SIRT1: variants seen among roughly 807,000 people sequenced by gnomAD.
The protein encoded by SIRT1 is sirtuin 1.
A neutral mutation model predicts 67.9 loss-of-function variants in SIRT1; 24 were observed. The observed-to-expected ratio is 0.35, with a 90% CI of 0.26 to 0.50. The LOEUF is 0.50. Among genes scored for constraint, SIRT1 ranks in the 20% least tolerant of loss-of-function variants. SIRT1 has a pLI of 0.98. For missense variants in SIRT1, 873 were observed against 937.2 expected, an observed-to-expected ratio of 0.93 and a Z score of 0.89; for synonymous variants, 378 against 350.7, an observed-to-expected ratio of 1.08 and a Z score of -0.87.
intron 2 of SIRT1, 136 bp from the exon 3 acceptor site, chr10:67,888,746 G>C: frequency 5.3e-6 from 5 of 937,200 alleles, no homozygotes; most frequent in African/African-American, 1.7e-5. Context: ...AGTGTACCGA[G>C]AATGAAATAC....
intron 3 of SIRT1, among the ~76,000 whole-genome samples, chr10:67,889,975 CTT>C (rs35424302): frequency 2.7e-4 from 40 of 147,356 alleles, no homozygotes; most frequent in African/African-American, 9.0e-4. Flanking sequence ...TATTATACAC[CTT>C]TTTTTTTTTT....
chr10:67,915,030 G>A (rs2029875044), intron 8 of SIRT1, among the ~76,000 whole-genome samples: 1 of 151,944 alleles, frequency 6.6e-6, no homozygotes, highest in Non-Finnish European at 1.5e-5. Context: ...CCTGCCTGTG[G>A]TGTCTTGGGA....
At chr10:67,909,777 G>C (rs1193104773) in intron 7 of SIRT1, among the ~76,000 whole-genome samples, 1 of 152,068 alleles carries the variant, frequency 6.6e-6, no homozygotes, top group Non-Finnish European at 1.5e-5. Flanking sequence ...GTTTCACCAT[G>C]TTGGCCAGGC....
Position 67,891,389 on chromosome 10 carries a change from A to C in SIRT1, c.790-13A>C. On this transcript the variant is annotated splice_polypyrimidine_tract_variant and intron_variant, in intron 3 of 8. Coordinates refer to ENST00000212015, the MANE Select transcript of SIRT1 (RefSeq NM_012238.5). ...AAGATTTAATTTTACAAATTATGCC[A>C]TGCACATTTTAGGTGTCTGTTTCAT... 6.2e-7 allele frequency: 1 copy of C among 1,612,770 alleles called. No individual in the cohort carries two copies.
chr10:67,904,343 C>T (rs1219599339), intron 4 of SIRT1, among the ~76,000 whole-genome samples: 2 of 149,842 alleles, frequency 1.3e-5, no homozygotes, highest in African/African-American at 4.9e-5. Context: ...CTCCATGTTG[C>T]CCAGGCTGGT....
chr10:67,889,567 A>G lies in SIRT1; in HGVS notation c.789+444A>G, dbSNP rs1047891769. Among the ~76,000 whole-genome samples the G allele has an allele frequency of 9.2e-5, 14 of 152,324 alleles. No homozygotes were observed. In the East Asian group the frequency reaches 9.6e-4, roughly 10 times the overall value. On this transcript the variant is annotated intron_variant, in intron 3 of 8. Coordinates refer to ENST00000212015, the MANE Select transcript of SIRT1 (RefSeq NM_012238.5). ...TTCCTACCTTCCCTCCATATTAATT[A>G]AGATGATGTGATTGTGGCGACTTGA... is the stretch of plus-strand genomic sequence containing the variant.
intron 7 of SIRT1, among the ~76,000 whole-genome samples, chr10:67,910,330 G>C (rs1188223354): frequency 6.6e-6 from 1 of 152,112 alleles, no homozygotes; most frequent in Admixed American, 6.5e-5. Context: ...AGCCGAGAAT[G>C]TGCCACTGCA....
intron 4 of SIRT1, among the ~76,000 whole-genome samples, chr10:67,892,229 A>C: frequency 6.6e-6 from 1 of 152,348 alleles, no homozygotes; most frequent in Non-Finnish European, 1.5e-5. Flanking sequence ...AAAATACTTA[A>C]AATTAATTTT....
At chr10:67,900,677 C>T (rs1199326523) in intron 4 of SIRT1, among the ~76,000 whole-genome samples, 2 of 152,060 alleles carry the variant, frequency 1.3e-5, no homozygotes, top group Non-Finnish European at 2.9e-5. Flanking sequence ...CTCCTGAGCT[C>T]GAGTGATTCT....
Position 67,889,032 on chromosome 10 carries a change from A to G in SIRT1, c.698A>G (p.Lys233Arg), listed in dbSNP as rs1450537164. ...IVINILSEPP[K>R]RKKRKDINTI... ...ATTAATATCCTTTCAGAACCACCAA[A>G]AAGGAAAAAAAGAAAAGATATTAAT... Residue 233 changes from lysine to arginine, a missense_variant, in exon 3 of 9, where the codon AAA (lysine) becomes AGA (arginine). Lys to Arg is a conservative substitution (Grantham distance 26, BLOSUM62 2). This residue lies in a region of SIRT1 where 251 missense variants were observed against 358.8 expected (regional missense o/e 0.70). Transcript: ENST00000212015. 1 of 1,613,432 alleles carries G rather than the reference A, an allele frequency of 6.2e-7. No individual in the cohort carries two copies. Among genetic ancestry groups the G allele is most frequent in the South Asian group, 1.1e-5 (1 of 91,002 alleles).
intron 7 of SIRT1, among the ~76,000 whole-genome samples, chr10:67,911,468 C>G (rs1272109355): frequency 6.6e-6 from 1 of 152,150 alleles, no homozygotes; most frequent in Middle Eastern, 3.2e-3. Flanking sequence ...ATTAGGATTA[C>G]AGGCATGAGC....
chr10:67,908,846 G>T (rs1842858353), intron 6 of SIRT1, among the ~76,000 whole-genome samples: 1 of 152,148 alleles, frequency 6.6e-6, no homozygotes, highest in African/African-American at 2.4e-5. Flanking sequence ...AGGTTGTAGT[G>T]AGCTGAGATC....
chr10:67,916,802 T>TAA lies in SIRT1; in HGVS notation c.*219_*220dup. On this transcript the variant is annotated 3_prime_UTR_variant, in exon 9 of 9. Transcript: ENST00000212015. ...AACTCAACACTAACTTTTTTTTTTT[T>TAA]AAAAAAAAAAAGGTACTAAGTATCT... The TAA allele has an allele frequency of 7.4e-5, 21 of 283,236 alleles. No homozygotes were observed. Among genetic ancestry groups the TAA allele is most frequent in the East Asian group, 2.2e-4 (4 of 18,020 alleles). 17.5% of individuals were successfully genotyped at this position (283,236 alleles called of 1,614,324 possible).
Position 67,884,700 on chromosome 10 carries a change from G to A in SIRT1, c.-22G>A, listed in dbSNP as rs1236896829. Reference sequence around the variant, plus strand: ...CGGGAGCAGAGGAGGCGAGGGAGGAGGGCCAGAGAGGCAGTTGGAAGATGG... The same window carrying A: ...CGGGAGCAGAGGAGGCGAGGGAGGAAGGCCAGAGAGGCAGTTGGAAGATGG... On this transcript the variant is annotated 5_prime_UTR_variant, in exon 1 of 9. Transcript: ENST00000212015. 8.1e-7 allele frequency: 1 copy of A among 1,228,460 alleles called. No homozygotes were observed. Among genetic ancestry groups the A allele is most frequent in the Non-Finnish European group, 1.0e-6 (1 of 985,892 alleles). The allele number at this position is 1,228,460 out of a possible 1,614,324, so 76.1% of individuals were successfully genotyped here. A position where few individuals can be genotyped will look rare whatever the true frequency, so the allele number is the denominator to read the frequency against.
At chr10:67,905,897 A>G (rs1842814305) in intron 4 of SIRT1, among the ~76,000 whole-genome samples, 1 of 152,174 alleles carries the variant, frequency 6.6e-6, no homozygotes, top group Admixed American at 6.5e-5. Flanking sequence ...ATATTTATAC[A>G]ACCGGTTCCC....
In SIRT1 at chr10:67,915,493, G is replaced by A. The variant is rs146400534; in HGVS notation, c.1916-772G>A. On this transcript the variant is annotated intron_variant, in intron 8 of 8. Transcript: ENST00000212015. ...ACATCTTAGAGGAGTTTTCAAAAGC[G>A]TCTTAGACTGTATGTGTATATACAC... Among the ~76,000 whole-genome samples, 13 of 152,232 alleles carry A rather than the reference G, an allele frequency of 8.5e-5. No individual in the cohort carries two copies. The East Asian group carries it at 1.9e-3, about 23-fold the overall frequency.
At chr10:67,885,483 T>A (rs1842462989) in intron 1 of SIRT1, 2 of 945,670 alleles carry the variant, frequency 2.1e-6, no homozygotes, top group Non-Finnish European at 2.7e-6. Flanking sequence ...TAGAGCTTTT[T>A]TTTTCTTTTT....
At chr10:67,909,592 T>G in intron 7 of SIRT1, 150 bp downstream of exon 7, 1 of 724,118 alleles carries the variant, frequency 1.4e-6, no homozygotes. Context: ...GTTTGTTTAT[T>G]GAGATGGAGT....
intron 3 of SIRT1, among the ~76,000 whole-genome samples, chr10:67,889,964 ATAT>A (rs1336419669): frequency 9.9e-5 from 15 of 151,236 alleles, no homozygotes; most frequent in African/African-American, 2.9e-4. Flanking sequence ...AAGAATTGAA[ATAT>A]TATACACCTT....
Sources: gnomAD v4.1 joint callset for allele counts (sites outside exome capture counted in the v4.1 genomes callset) on GRCh38, gnomAD v4.1.1 for gene constraint, gnomAD v4.1.1 regional missense constraint, MANE v1.5 for transcripts, NCBI Gene and HGNC (gene_info 2026-07-23, HGNC 2026-07-21) for gene names.